LDB2: variants seen among roughly 807,000 people sequenced by gnomAD.
LDB2 encodes the protein LIM domain-binding protein 2.
LDB2 carries 12 observed loss-of-function variants against 44.3 expected under a neutral mutation model. The observed-to-expected ratio is 0.27, with a 90% CI of 0.17 to 0.44. The LOEUF (loss-of-function observed/expected upper bound fraction) is 0.44, where lower values mean the gene tolerates loss of function less well. LDB2 is among the 20% of genes least tolerant of loss of function. The pLI, the probability that LDB2 is intolerant of heterozygous loss-of-function variation, is 1.00. For missense variants in LDB2, 344 were observed against 473.5 expected (o/e 0.73, Z 2.54); for synonymous variants, 164 against 174.8 (o/e 0.94, Z 0.49).
At chr4:16,772,058 C>A (rs1770829644) in intron 1 of LDB2, among the ~76,000 whole-genome samples, 1 of 152,090 alleles carries the variant, frequency 6.6e-6, no homozygotes, top group Admixed American at 6.6e-5. Flanking sequence ...TTCCTTCGGG[C>A]CCAGGGCTGC....
intron 1 of LDB2, among the ~76,000 whole-genome samples, chr4:16,818,549 T>C (rs551836163): frequency 1.4e-4 from 22 of 152,368 alleles, no homozygotes; most frequent in African/African-American, 5.1e-4. Flanking sequence ...ACTTCTTTTA[T>C]AAGTAAAATA....
chr4:16,833,266 TGA>T (rs1784342716), intron 1 of LDB2, among the ~76,000 whole-genome samples: 1 of 152,194 alleles, frequency 6.6e-6, no homozygotes, highest in African/African-American at 2.4e-5. Flanking sequence ...GACTTTAAGA[TGA>T]GATATATGTC....
chr4:16,874,347 A>G (rs1486354946), intron 1 of LDB2, among the ~76,000 whole-genome samples: 1 of 152,184 alleles, frequency 6.6e-6, no homozygotes, highest in African/African-American at 2.4e-5. Flanking sequence ...CTATAAGTTC[A>G]TTAATTCTAA....
intron 4 of LDB2, among the ~76,000 whole-genome samples, chr4:16,586,513 C>A (rs1381601692): frequency 0.014 from 1,998 of 143,052 alleles, 23 homozygotes; most frequent in Non-Finnish European, 0.019. Flanking sequence ...CACACACACA[C>A]ACACACACAC....
intron 1 of LDB2, among the ~76,000 whole-genome samples, chr4:16,828,018 A>T (rs1215586757): frequency 6.6e-6 from 1 of 151,778 alleles, no homozygotes; most frequent in Non-Finnish European, 1.5e-5. Flanking sequence ...TCCACCTCCC[A>T]CTTCCACCAA....
At chr4:16,779,663 G>C (rs532524158) in intron 1 of LDB2, among the ~76,000 whole-genome samples, 1 of 152,166 alleles carries the variant, frequency 6.6e-6, no homozygotes, top group African/African-American at 2.4e-5. Flanking sequence ...CTGTCAAGTG[G>C]TAAACCAGCC....
At chr4:16,697,303 A>ACACACACACACACACACACAC (rs1560915542) in intron 2 of LDB2, among the ~76,000 whole-genome samples, 1 of 148,220 alleles carries the variant, frequency 6.7e-6, no homozygotes, top group African/African-American at 2.5e-5. Context: ...ACACACACAC[A>ACACACACACACACACACACAC]AATTAGCCAG....
At chr4:16,629,564 C>T (rs188929625) in intron 2 of LDB2, among the ~76,000 whole-genome samples, 1 of 152,104 alleles carries the variant, frequency 6.6e-6, no homozygotes, top group East Asian at 1.9e-4. Context: ...GGAAAACTAA[C>T]AAAGAGAAAG....
At position 16,511,986 on chromosome 4, in the gene LDB2, G is replaced by A. The variant is rs754215791; in HGVS notation, c.734C>T (p.Pro245Leu). Residue 245 changes from proline to leucine, a missense_variant, in exon 6 of 8, where the codon CCG becomes CTG. Coordinates refer to ENST00000304523, the MANE Select transcript of LDB2 (RefSeq NM_001290.5). ...LFQKWQRMVA[P>L]PAEPTRQPTT... ...AGTGAAGAATGAGGGTGTACCTGGC[G>A]GAGCCACCATCCTCTGCCACTTCTG... is the stretch of plus-strand genomic sequence containing the variant. The A allele has an allele frequency of 8.1e-6, 13 of 1,612,734 alleles. No individual in the cohort carries two copies. Among genetic ancestry groups the A allele is most frequent in the South Asian group, 6.6e-5 (6 of 90,908 alleles).
chr4:16,727,508 G>A (rs948901215), intron 2 of LDB2, among the ~76,000 whole-genome samples: 31 of 152,258 alleles, frequency 2.0e-4, no homozygotes, highest in African/African-American at 7.5e-4. Flanking sequence ...CATGGGGAAT[G>A]CAGTTGAAAC....
At chr4:16,685,382 T>C (rs1452391458) in intron 2 of LDB2, among the ~76,000 whole-genome samples, 1 of 152,050 alleles carries the variant, frequency 6.6e-6, no homozygotes, top group African/African-American at 2.4e-5. Flanking sequence ...GTTTTTTTTG[T>C]TTTGTTTTGT....
intron 1 of LDB2, among the ~76,000 whole-genome samples, chr4:16,765,839 C>T (rs1769090508): frequency 6.6e-6 from 1 of 152,172 alleles, no homozygotes; most frequent in African/African-American, 2.4e-5. Flanking sequence ...CATATGGAGG[C>T]AGAAATTTAA....
chr4:16,706,966 C>T (rs1754747537), intron 2 of LDB2, among the ~76,000 whole-genome samples: 1 of 152,252 alleles, frequency 6.6e-6, no homozygotes, highest in African/African-American at 2.4e-5. Context: ...CTCAACATCC[C>T]GATCTCTCCA....
intron 1 of LDB2, among the ~76,000 whole-genome samples, chr4:16,803,675 G>GA (rs200220298): frequency 1.3e-5 from 2 of 152,008 alleles, no homozygotes; most frequent in African/African-American, 4.8e-5. Flanking sequence ...TGGGCTAGTG[G>GA]AAAAAAATCT....
rs1377367842 is a variant in LDB2, at chr4:16,533,470, T to C, written c.616-21366A>G. ...CCTGGTTGCTGAGTTCCAAAGTGGATTAAGATGGACTTAAGTGGGTCCTAA... is the reference window on the plus strand; with the variant it reads ...CCTGGTTGCTGAGTTCCAAAGTGGACTAAGATGGACTTAAGTGGGTCCTAA... On this transcript the variant is annotated intron_variant, in intron 5 of 7. Coordinates refer to ENST00000304523, the MANE Select transcript of LDB2 (RefSeq NM_001290.5). This position sits in a 1 kb window ranked among gnomAD's most constrained non-coding sequence, Gnocchi z 4.1. Among the ~76,000 whole-genome samples the C allele has an allele frequency of 6.6e-6, 1 of 152,150 alleles. No individual in the cohort carries two copies. Among genetic ancestry groups the C allele is most frequent in the East Asian group, 1.9e-4 (1 of 5,190 alleles).
At chr4:16,551,468 G>T (rs1296552405) in intron 5 of LDB2, among the ~76,000 whole-genome samples, 1 of 151,834 alleles carries the variant, frequency 6.6e-6, no homozygotes, top group Non-Finnish European at 1.5e-5. Context: ...AAAGTCCTCT[G>T]TAAGTATTTG....
intron 2 of LDB2, among the ~76,000 whole-genome samples, chr4:16,661,185 G>A (rs1382948374): frequency 6.6e-6 from 1 of 152,130 alleles, no homozygotes; most frequent in Non-Finnish European, 1.5e-5. Context: ...TACAAAGGTA[G>A]GTATATTTAA....
chr4:16,636,949 C>A (rs1475264395), intron 2 of LDB2, among the ~76,000 whole-genome samples: 1 of 152,156 alleles, frequency 6.6e-6, no homozygotes, highest in Non-Finnish European at 1.5e-5. Context: ...AATTTGTACT[C>A]CCTGATAACA....
intron 2 of LDB2, among the ~76,000 whole-genome samples, chr4:16,608,176 TCCGACTCCATA>T (rs1256498322): frequency 3.3e-5 from 4 of 120,330 alleles, no homozygotes; most frequent in African/African-American, 1.4e-4. Flanking sequence ...TTCACAAACA[TCCGACTCCATA>T]CAGAAAATCA....
Sources: allele counts gnomAD v4.1 joint callset (sites outside exome capture counted in the v4.1 genomes callset), GRCh38; gene constraint gnomAD v4.1.1; non-coding constraint Gnocchi (gnomAD v3.1); transcripts MANE v1.5; gene names NCBI Gene and HGNC (gene_info 2026-07-23, HGNC 2026-07-21).